Variants in CAMSAP1 observed in about 807,000 individuals in gnomAD.
CAMSAP1 encodes the protein calmodulin regulated spectrin associated protein 1.
CAMSAP1 carries 58 observed loss-of-function variants against 143.5 expected under a neutral mutation model. The ratio of observed to expected loss-of-function variants is 0.40; its 90% confidence interval spans 0.33 to 0.50. The LOEUF (loss-of-function observed/expected upper bound fraction) is 0.50. Among genes scored for constraint, CAMSAP1 ranks in the 20% least tolerant of loss-of-function variants. The pLI is 0.45. For synonymous variants in CAMSAP1, 945 were observed against 859.3 expected (o/e 1.10, Z -1.74); for missense variants, 1,969 against 2,115.7 (o/e 0.93, Z 1.36).
chr9:135,856,268 G>A (rs1447592542), intron 5 of CAMSAP1, among the ~76,000 whole-genome samples: 3 of 152,152 alleles, frequency 2.0e-5, no homozygotes, highest in Non-Finnish European at 2.9e-5. Context: ...TGAAAAGCAC[G>A]TGTCACATGA....
In CAMSAP1 at chr9:135,888,873, G is replaced by A. The variant is rs554618685; in HGVS notation, c.161-5795C>T. On this transcript the variant is annotated intron_variant, in intron 1 of 16. Transcript: ENST00000389532. ...CCTGACCCCCACCCAGGGACAACCA[G>A]TAACAAACTGCACCTTGACAGCGGA... is the stretch of plus-strand genomic sequence containing the variant. Among the ~76,000 whole-genome samples the A allele has an allele frequency of 5.3e-4, 81 of 152,346 alleles. 1 individual carries two copies. The highest frequency in any genetic ancestry group is 2.3e-3 in the South Asian group (11 of 4,830).
chr9:135,824,735 A>G lies in CAMSAP1; in HGVS notation c.1315+54T>C. 1 of 1,167,424 alleles carries G rather than the reference A, an allele frequency of 8.6e-7. No individual in the cohort carries two copies. The highest frequency in any genetic ancestry group is 2.7e-5 in the East Asian group (1 of 37,472). The allele number at this position is 1,167,424 out of a possible 1,614,324, so 72.3% of individuals were successfully genotyped here. A position where few individuals can be genotyped will look rare whatever the true frequency, so the allele number is the denominator to read the frequency against. On this transcript the variant is annotated intron_variant, in intron 9 of 16. Coordinates refer to ENST00000389532, the MANE Select transcript of CAMSAP1 (RefSeq NM_015447.4). The surrounding 1 kb of genome is among the most constrained non-coding windows in gnomAD (Gnocchi z 4.1). ...ATTTAATTTTGAGAAATATGATTTT[A>G]CTAATCTATAGTAAGGAGAAATTAA...
chr9:135,861,183 C>T (rs1323699069), intron 5 of CAMSAP1, among the ~76,000 whole-genome samples: 5 of 152,336 alleles, frequency 3.3e-5, no homozygotes, highest in Admixed American at 3.3e-4. Flanking sequence ...AGCACATAGG[C>T]CCAGGGCCAA....
Position 135,815,874 on chromosome 9 carries a change from G to A in CAMSAP1, c.4387+16C>T, listed in dbSNP as rs750388632. Reference sequence around the variant, plus strand: ...CCATGCCCACGATGACCTCTAAGGAGGGCGAACGCCGTCACCTGTGTACTC... The same window carrying A: ...CCATGCCCACGATGACCTCTAAGGAAGGCGAACGCCGTCACCTGTGTACTC... On this transcript the variant is annotated intron_variant, in intron 15 of 16. Coordinates refer to ENST00000389532, the MANE Select transcript of CAMSAP1 (RefSeq NM_015447.4). 2 of 1,607,930 alleles carry A rather than the reference G, an allele frequency of 1.2e-6. No individual in the cohort carries two copies. Among genetic ancestry groups the A allele is most frequent in the African/African-American group, 2.7e-5 (2 of 74,862 alleles).
At position 135,809,274 on chromosome 9, in the gene CAMSAP1, G is replaced by C. The variant is rs1025576384; in HGVS notation, c.*2035C>G. The C allele has an allele frequency of 1.3e-5, 2 of 152,216 alleles. No homozygotes were observed. Among genetic ancestry groups the C allele is most frequent in the African/African-American group, 4.8e-5 (2 of 41,452 alleles). 9.4% of individuals were successfully genotyped at this position (152,216 alleles called of 1,614,324 possible). The stretch of plus-strand genomic sequence containing the variant: ...CCTGGGGACTTGGGACATCAGGAAT[G>C]TCCATGCCACATTAGTGCTTACTCG... On this transcript the variant is annotated 3_prime_UTR_variant, in exon 17 of 17. Coordinates refer to ENST00000389532, the MANE Select transcript of CAMSAP1 (RefSeq NM_015447.4).
chr9:135,826,194 G>GCTTGTGCA lies in CAMSAP1; in HGVS notation c.1223+1212_1223+1213insTGCACAAG, dbSNP rs1554789548. On this transcript the variant is annotated intron_variant, in intron 8 of 16. Coordinates refer to ENST00000389532, the MANE Select transcript of CAMSAP1 (RefSeq NM_015447.4). The surrounding 1 kb of genome is among the most constrained non-coding windows in gnomAD (Gnocchi z 4.4). ...CAGAGCAGCGTGTACACGGGCACCAGCACACACACACACACACACACGGCT... is the reference window on the plus strand; with the variant it reads ...CAGAGCAGCGTGTACACGGGCACCAGCTTGTGCACACACACACACACACACACACGGCT... 3 of 113,566 alleles carry GCTTGTGCA rather than the reference G, an allele frequency of 2.6e-5. No individual in the cohort carries two copies. Among genetic ancestry groups the GCTTGTGCA allele is most frequent in the African/African-American group, 4.0e-5 (1 of 24,960 alleles). 7.0% of individuals were successfully genotyped at this position (113,566 alleles called of 1,614,324 possible).
intron 1 of CAMSAP1, among the ~76,000 whole-genome samples, chr9:135,900,727 C>G (rs1174437659): frequency 1.3e-5 from 2 of 151,896 alleles, no homozygotes; most frequent in African/African-American, 2.4e-5. Flanking sequence ...GGTGGGAGCT[C>G]AGGAAAGCCA....
chr9:135,902,536 C>T (rs1333457973), intron 1 of CAMSAP1, among the ~76,000 whole-genome samples: 2 of 152,320 alleles, frequency 1.3e-5, no homozygotes, highest in East Asian at 3.9e-4. Context: ...CGAAAAGTCA[C>T]TACAAGGAAA....
Position 135,824,001 on chromosome 9 carries a change from A to G in CAMSAP1, c.1349T>C (p.Val450Ala), listed in dbSNP as rs1325191472. 1.3e-6 allele frequency: 2 copies of G among 1,588,830 alleles called. No homozygotes were observed. The highest frequency in any genetic ancestry group is 1.8e-5 in the Admixed American group (1 of 56,266). Residue 450 changes from valine to alanine, a missense_variant, in exon 10 of 17, where the codon GTT becomes GCT. Coordinates refer to ENST00000389532, the MANE Select transcript of CAMSAP1 (RefSeq NM_015447.4). This position sits in a 1 kb window ranked among gnomAD's most constrained non-coding sequence, Gnocchi z 4.1. The part of the protein sequence containing the change: ...QRHRSNSLTR[V>A]DGQPRGAAIA... ...TGCTGCTCCTCGAGGCTGACCATCA[A>G]CTCGGGTCAAAGAATTCGATCGATG...
chr9:135,892,848 C>CAAAAAAAA (rs59978082), intron 1 of CAMSAP1, among the ~76,000 whole-genome samples: 484 of 42,034 alleles, frequency 0.012, 64 homozygotes, highest in African/African-American at 0.045. Flanking sequence ...AAGACTGTCT[C>CAAAAAAAA]AAAAAAAAAA....
chr9:135,888,292 G>A (rs1218212631), intron 1 of CAMSAP1, among the ~76,000 whole-genome samples: 2 of 152,210 alleles, frequency 1.3e-5, no homozygotes, highest in Non-Finnish European at 2.9e-5. Context: ...AGGATGAAAA[G>A]GCAGGTCAGG....
intron 3 of CAMSAP1, among the ~76,000 whole-genome samples, chr9:135,868,125 G>GAA (rs921221261): frequency 3.0e-5 from 4 of 135,540 alleles, no homozygotes; most frequent in Non-Finnish European, 4.8e-5. Flanking sequence ...GTCTTTTTCA[G>GAA]AAAAAAAAAC....
In CAMSAP1 at chr9:135,849,949, C is replaced by T. The variant is rs546913790; in HGVS notation, c.1045+188G>A. ...AATTTTTAGAGCTGTGATTCGTAAC[C>T]GAATAGTTCATCAAAATCACTTAGA... On this transcript the variant is annotated intron_variant, in intron 7 of 16. Transcript: ENST00000389532. 9.4e-5 allele frequency: 45 copies of T among 480,858 alleles called. 1 individual carries two copies. In the South Asian group the frequency reaches 1.0e-3, roughly 11 times the overall value. The allele number at this position is 480,858 out of a possible 1,614,324, so 29.8% of individuals were successfully genotyped here.
intron 1 of CAMSAP1, among the ~76,000 whole-genome samples, chr9:135,906,670 T>G (rs909053555): frequency 1.3e-5 from 2 of 151,772 alleles, no homozygotes; most frequent in Admixed American, 1.3e-4. Context: ...CGCGTCCCCA[T>G]GGTCCCTCCC....
chr9:135,901,446 A>G (rs899788414), intron 1 of CAMSAP1, among the ~76,000 whole-genome samples: 1 of 152,046 alleles, frequency 6.6e-6, no homozygotes, highest in African/African-American at 2.4e-5. Context: ...TCTACAAAAA[A>G]TAATAATTAA....
chr9:135,875,170 A>G (rs981146891), intron 3 of CAMSAP1, among the ~76,000 whole-genome samples: 3 of 152,058 alleles, frequency 2.0e-5, no homozygotes, highest in African/African-American at 7.2e-5. Flanking sequence ...TGACTCTAAA[A>G]TTAAGGGTAG....
chr9:135,838,426 G>A lies in CAMSAP1; in HGVS notation c.1046-10842C>T, dbSNP rs113326740. ...ACACATCATCACGCACTTTCCACCC[G>A]TTCTACAGACACACATCATCACGCA... On this transcript the variant is annotated intron_variant, in intron 7 of 16. Coordinates refer to ENST00000389532, the MANE Select transcript of CAMSAP1 (RefSeq NM_015447.4). 8.3e-3 allele frequency among the ~76,000 whole-genome samples: 975 copies of A among 117,574 alleles called. 30 individuals are homozygous for A. The highest frequency in any genetic ancestry group is 0.032 in the African/African-American group (939 of 29,524). The allele number at this position is 117,574 out of a possible 152,430, so 77.1% of individuals were successfully genotyped here.
At chr9:135,858,391 C>T (rs900363181) in intron 5 of CAMSAP1, among the ~76,000 whole-genome samples, 1 of 152,068 alleles carries the variant, frequency 6.6e-6, no homozygotes, top group African/African-American at 2.4e-5. Context: ...ACCAACTGGC[C>T]CCAGACACTA....
chr9:135,819,105 C>T lies in CAMSAP1; in HGVS notation c.3864G>A (p.Ala1288=). The T allele has an allele frequency of 1.2e-6, 2 of 1,602,020 alleles. No individual in the cohort carries two copies. Among genetic ancestry groups the T allele is most frequent in the Non-Finnish European group, 1.7e-6 (2 of 1,175,674 alleles). The change falls in exon 12 of 17, where the codon GCG becomes GCA. Residue 1288 remains alanine, a synonymous_variant. Coordinates refer to ENST00000389532, the MANE Select transcript of CAMSAP1 (RefSeq NM_015447.4). ...KAEDELAKKR[A]AFLLKQQRKA... is the part of the protein sequence containing the mutation. ...TGCGCTGCTGCTTCAGGAGGAAGGC[C>T]GCCCGCTTCTTGGCGAGCTCATCTT... is the stretch of plus-strand genomic sequence containing the variant.
Sources: gnomAD v4.1 joint callset for allele counts (sites outside exome capture counted in the v4.1 genomes callset) on GRCh38, gnomAD v4.1.1 for gene constraint, Gnocchi (gnomAD v3.1) non-coding constraint, MANE v1.5 for transcripts, NCBI Gene and HGNC (gene_info 2026-07-23, HGNC 2026-07-21) for gene names.